The following CHST9 variants were observed in gnomAD, a reference collection of about 807,000 sequenced individuals.
The protein encoded by CHST9 is carbohydrate sulfotransferase 9.
A neutral mutation model predicts 44.4 loss-of-function variants in CHST9; 41 were observed. That is an observed-to-expected ratio of 0.92 (90% CI 0.72 to 1.20). The LOEUF (loss-of-function observed/expected upper bound fraction) is 1.20. Ranked by LOEUF, CHST9 falls within the 50% of genes most tolerant of loss-of-function variation. The pLI is 0.00. For synonymous variants in CHST9, 171 were observed against 178.4 expected, an observed-to-expected ratio of 0.96 and a Z score of 0.33; for missense variants, 504 against 516.5, an observed-to-expected ratio of 0.98 and a Z score of 0.23.
intron 2 of CHST9, among the ~76,000 whole-genome samples, chr18:27,113,481 GT>G (rs2058292763): frequency 6.6e-6 from 1 of 152,182 alleles, no homozygotes; most frequent in South Asian, 2.1e-4. Flanking sequence ...TGGTCTGAAT[GT>G]TTGTGTCCCC....
At position 26,957,848 on chromosome 18, in the gene CHST9, A is replaced by C. The variant is rs549835532; in HGVS notation, c.203-13482T>G. On this transcript the variant is annotated intron_variant, in intron 4 of 5. Transcript: ENST00000618847. ...GGTACATTTTATGTTTATGACATGA[A>C]AAATTACATTCTACTTATTTCTTTC... 2.0e-5 allele frequency among the ~76,000 whole-genome samples: 3 copies of C among 152,178 alleles called. No homozygotes were observed. The East Asian group carries it at 5.8e-4, about 29-fold the overall frequency.
At chr18:27,148,327 C>T (rs995128812) in intron 1 of CHST9, among the ~76,000 whole-genome samples, 16 of 151,322 alleles carry the variant, frequency 1.1e-4, no homozygotes, top group East Asian at 1.9e-4. Context: ...TACATATGTA[C>T]ACATGTGCCA....
intron 2 of CHST9, among the ~76,000 whole-genome samples, chr18:27,060,763 G>C (rs1344209354): frequency 1.3e-5 from 2 of 152,058 alleles, no homozygotes; most frequent in Non-Finnish European, 2.9e-5. Flanking sequence ...CTTAGTTTAG[G>C]TGGTCATTTG....
intron 2 of CHST9, among the ~76,000 whole-genome samples, chr18:27,086,583 G>T (rs149807184): frequency 0.011 from 1,699 of 152,200 alleles, 11 homozygotes; most frequent in Non-Finnish European, 0.017. Context: ...CTTGTCTAAG[G>T]TGACACTGCT....
intron 2 of CHST9, among the ~76,000 whole-genome samples, chr18:27,137,121 A>G (rs2058519437): frequency 6.6e-6 from 1 of 152,090 alleles, no homozygotes; most frequent in Non-Finnish European, 1.5e-5. Context: ...TAAGTCAACA[A>G]ATAATTAAGG....
intron 4 of CHST9, among the ~76,000 whole-genome samples, chr18:27,009,416 G>A (rs2057056481): frequency 6.6e-6 from 1 of 152,058 alleles, no homozygotes; most frequent in Admixed American, 6.5e-5. Context: ...AATGAATGCT[G>A]GATAATTTGA....
chr18:26,914,776 C>T lies in CHST9; in HGVS notation c.*1483G>A. 1.5e-5 allele frequency: 6 copies of T among 394,374 alleles called. No homozygotes were observed. Among genetic ancestry groups the T allele is most frequent in the Non-Finnish European group, 2.7e-5 (6 of 223,630 alleles). 24.4% of individuals were successfully genotyped at this position (394,374 alleles called of 1,614,324 possible). On this transcript the variant is annotated 3_prime_UTR_variant, in exon 6 of 6. Transcript: ENST00000618847. ...ACTATCTTGGTCTATTAACATTCAA[C>T]TATTAATACCTACTGTTCTTTGAAA...
At chr18:26,947,252 T>G (rs2056178132) in intron 4 of CHST9, among the ~76,000 whole-genome samples, 1 of 152,238 alleles carries the variant, frequency 6.6e-6, no homozygotes, top group South Asian at 2.1e-4. Flanking sequence ...GTAAGTTGTA[T>G]GCCTAGGTAT....
intron 2 of CHST9, among the ~76,000 whole-genome samples, chr18:27,053,288 G>GAAGGAGAAGGAC (rs1242788028): frequency 0.038 from 4,717 of 125,210 alleles, 358 homozygotes; most frequent in East Asian, 0.096. Flanking sequence ...AGGAGAAGGA[G>GAAGGAGAAGGAC]AAGGAGAAGG....
chr18:27,029,145 G>C (rs2057314257), intron 3 of CHST9, among the ~76,000 whole-genome samples: 1 of 152,196 alleles, frequency 6.6e-6, no homozygotes, highest in African/African-American at 2.4e-5. Context: ...AGTTCTCCTG[G>C]TCAGCAGGAG....
chr18:27,127,450 G>A (rs149628342), intron 2 of CHST9, among the ~76,000 whole-genome samples: 1 of 152,114 alleles, frequency 6.6e-6, no homozygotes, highest in Admixed American at 6.6e-5. Context: ...TGGATTTAAT[G>A]GTGGGAAGGT....
At chr18:27,168,906 G>C (rs1366849377) in intron 1 of CHST9, among the ~76,000 whole-genome samples, 1 of 152,226 alleles carries the variant, frequency 6.6e-6, no homozygotes, top group Non-Finnish European at 1.5e-5. Context: ...CCCGTTCAAA[G>C]AGGGTCCAGG....
At chr18:27,053,259 AAGGAGAAGG>A (rs1362081596) in intron 2 of CHST9, among the ~76,000 whole-genome samples, 1,214 of 70,212 alleles carry the variant, frequency 0.017, 14 homozygotes, top group Middle Eastern at 0.024. Flanking sequence ...GAAGAAGAAG[AAGGAGAAGG>A]AGAAGGAGAA....
intron 4 of CHST9, among the ~76,000 whole-genome samples, chr18:26,965,140 AT>A (rs1193740920): frequency 6.6e-6 from 1 of 152,162 alleles, no homozygotes; most frequent in Non-Finnish European, 1.5e-5. Context: ...TTGGACCAGC[AT>A]TTTTTGGGTT....
Position 27,132,606 on chromosome 18 carries a change from G to A in CHST9, c.121+10083C>T, listed in dbSNP as rs2058481350. Among the ~76,000 whole-genome samples the A allele has an allele frequency of 2.0e-5, 3 of 152,182 alleles. No individual in the cohort carries two copies. The South Asian group carries it at 6.2e-4, about 31-fold the overall frequency. ...ACAAGGCAATACCTTGGGGTTTGTG[G>A]TGTAAAATGAATTAAAAACAGTGAA... On this transcript the variant is annotated intron_variant, in intron 2 of 5. Coordinates refer to ENST00000618847, the MANE Select transcript of CHST9 (RefSeq NM_031422.6).
Position 27,096,350 on chromosome 18 carries a change from T to A in CHST9, c.121+46339A>T, listed in dbSNP as rs747801510. On this transcript the variant is annotated intron_variant, in intron 2 of 5. Coordinates refer to ENST00000618847, the MANE Select transcript of CHST9 (RefSeq NM_031422.6). ...ACAAAAAAAGACCTGAAATTAATGA[T>A]CTAGTATCAAATTTCAAGGAACTAG... is the stretch of plus-strand genomic sequence containing the variant. Among the ~76,000 whole-genome samples the A allele has an allele frequency of 3.0e-4, 46 of 151,472 alleles. 1 individual carries two copies. The highest frequency in any genetic ancestry group is 6.1e-4 in the Non-Finnish European group (41 of 67,754).
At chr18:27,181,001 T>C (rs2058907519) in intron 1 of CHST9, among the ~76,000 whole-genome samples, 1 of 152,202 alleles carries the variant, frequency 6.6e-6, no homozygotes, top group African/African-American at 2.4e-5. Flanking sequence ...CTACACTTTA[T>C]GTAGTGAGCA....
chr18:26,963,944 A>G (rs2056432371), intron 4 of CHST9, among the ~76,000 whole-genome samples: 1 of 152,206 alleles, frequency 6.6e-6, no homozygotes, highest in African/African-American at 2.4e-5. Flanking sequence ...TATCTCTTTC[A>G]CTTAACACAA....
intron 2 of CHST9, among the ~76,000 whole-genome samples, chr18:27,100,394 C>T (rs1209468947): frequency 6.6e-6 from 1 of 152,092 alleles, no homozygotes; most frequent in African/African-American, 2.4e-5. Context: ...TGCACATGTA[C>T]TGCCTGAATC....
Sources: allele counts gnomAD v4.1 joint callset (sites outside exome capture counted in the v4.1 genomes callset), GRCh38; gene constraint gnomAD v4.1.1; transcripts MANE v1.5; gene names NCBI Gene and HGNC (gene_info 2026-07-23, HGNC 2026-07-21).